The following SLC6A3 variants were observed in gnomAD, a reference collection of about 807,000 sequenced individuals.
The protein encoded by SLC6A3 is solute carrier family 6 member 3.
Under a neutral mutation model 70.4 loss-of-function variants are expected in SLC6A3, and 19 were observed. The ratio of observed to expected loss-of-function variants is 0.27; its 90% CI spans 0.19 to 0.40. The LOEUF (loss-of-function observed/expected upper bound fraction) is 0.40, where lower values mean the gene tolerates loss of function less well. SLC6A3 is among the 10% of genes least tolerant of loss of function. The pLI, the probability that SLC6A3 is intolerant of heterozygous loss-of-function variation, is 1.00. For synonymous variants in SLC6A3, 368 were observed against 356.6 expected, an observed-to-expected ratio of 1.03 and a Z score of -0.36; for missense variants, 613 against 838.5, an observed-to-expected ratio of 0.73 and a Z score of 3.32.
intron 4 of SLC6A3, among the ~76,000 whole-genome samples, chr5:1,431,182 G>A (rs902076067): frequency 4.6e-5 from 7 of 152,350 alleles, no homozygotes; most frequent in Admixed American, 2.6e-4. Context: ...GATGGCACCC[G>A]CCAGATCCAG....
rs1460846543 is a variant in SLC6A3 at position 1,394,008 on chromosome 5, A to T, written c.*727T>A. ...CCTCTCAGGCCGTTCCCTACACCGC[A>T]AGGACCCACAGGCTGCCTGAGTGGC... On this transcript the variant is annotated 3_prime_UTR_variant, in exon 15 of 15. Coordinates refer to ENST00000270349, the MANE Select transcript of SLC6A3 (RefSeq NM_001044.5). This position sits in a 1 kb window ranked among gnomAD's most constrained non-coding sequence, Gnocchi z 4.7. 6.4e-6 allele frequency: 1 copy of T among 155,822 alleles called. No individual in the cohort carries two copies. The highest frequency in any genetic ancestry group is 1.4e-5 in the Non-Finnish European group (1 of 69,016). The allele number at this position is 155,822 out of a possible 1,614,324, so 9.7% of individuals were successfully genotyped here. A position where few individuals can be genotyped will look rare whatever the true frequency, so the allele number is the denominator to read the frequency against.
rs1430231577 is a variant in SLC6A3 at position 1,438,250 on chromosome 5, C to T, written c.418+3109G>A. ...GAACAAGCTCTTCCAAAGATCCGCC[C>T]GCAGGGCCACGAGCCTTCCTTCCTG... On this transcript the variant is annotated intron_variant, in intron 3 of 14. Transcript: ENST00000270349. This position sits in a 1 kb window ranked among gnomAD's most constrained non-coding sequence, Gnocchi z 6.5. Among the ~76,000 whole-genome samples the T allele has an allele frequency of 2.0e-5, 3 of 152,246 alleles. No homozygotes were observed. Among genetic ancestry groups the T allele is most frequent in the South Asian group, 2.1e-4 (1 of 4,828 alleles).
At position 1,402,622 on chromosome 5, in the gene SLC6A3, T is replaced by TA. The variant is rs1212219515; in HGVS notation, c.1767+299dup. Among the ~76,000 whole-genome samples, 1 of 151,946 alleles carries TA rather than the reference T, an allele frequency of 6.6e-6. No individual in the cohort carries two copies. Among genetic ancestry groups the TA allele is most frequent in the Non-Finnish European group, 1.5e-5 (1 of 67,986 alleles). On this transcript the variant is annotated intron_variant, in intron 13 of 14. Coordinates refer to ENST00000270349, the MANE Select transcript of SLC6A3 (RefSeq NM_001044.5). The surrounding 1 kb of genome is among the most constrained non-coding windows in gnomAD (Gnocchi z 8.5). ...GAGACAGCACATACAGACACAGAGA[T>TA]ACAGTGGATGTACACACAGGCACAA...
chr5:1,433,847 C>T (rs1327916748), intron 3 of SLC6A3, among the ~76,000 whole-genome samples: 2 of 152,160 alleles, frequency 1.3e-5, no homozygotes, highest in Non-Finnish European at 2.9e-5. Context: ...CCATCCACAG[C>T]CATCCATAGT....
chr5:1,418,553 G>GTATATCCATCCTATTT (rs1238467441), intron 6 of SLC6A3, among the ~76,000 whole-genome samples: 37 of 151,934 alleles, frequency 2.4e-4, no homozygotes, highest in African/African-American at 8.7e-4. Context: ...CCATCCTATT[G>GTATATCCATCCTATTT]TATATCCATC....
intron 4 of SLC6A3, among the ~76,000 whole-genome samples, chr5:1,423,465 T>G (rs970959149): frequency 2.6e-5 from 4 of 152,226 alleles, no homozygotes; most frequent in Non-Finnish European, 5.9e-5. Context: ...CAGCCAGCAC[T>G]GTTTTCTGAG....
rs1756872638 is a variant in SLC6A3, at chr5:1,437,763, C to A, written c.418+3596G>T. On this transcript the variant is annotated intron_variant, in intron 3 of 14. Transcript: ENST00000270349. This position sits in a 1 kb window ranked among gnomAD's most constrained non-coding sequence, Gnocchi z 4.8. ...GGAAGGGCCAGGAACAACCAGGCTT[C>A]CTGGAGAGCTGGCTTCATTCCCCCA... is the stretch of plus-strand genomic sequence containing the variant. Among the ~76,000 whole-genome samples the A allele has an allele frequency of 6.6e-6, 1 of 152,228 alleles. No homozygotes were observed. Among genetic ancestry groups the A allele is most frequent in the Non-Finnish European group, 1.5e-5 (1 of 68,042 alleles).
In SLC6A3 at chr5:1,436,987, C is replaced by G. The variant is rs1756851182; in HGVS notation, c.419-4289G>C. 6.6e-6 allele frequency among the ~76,000 whole-genome samples: 1 copy of G among 152,192 alleles called. No homozygotes were observed. Among genetic ancestry groups the G allele is most frequent in the African/African-American group, 2.4e-5 (1 of 41,454 alleles). On this transcript the variant is annotated intron_variant, in intron 3 of 14. Transcript: ENST00000270349. The surrounding 1 kb of genome is among the most constrained non-coding windows in gnomAD (Gnocchi z 5.2). ...CGGGAGAGGGCCGGGCACGGTGGCT[C>G]ACTCCTGTAATCCCAGCACTTTGGG... is the stretch of plus-strand genomic sequence containing the variant.
chr5:1,411,182 C>T lies in SLC6A3; in HGVS notation c.1269+61G>A. The T allele has an allele frequency of 1.7e-6, 2 of 1,181,560 alleles. No individual in the cohort carries two copies. Among genetic ancestry groups the T allele is most frequent in the Non-Finnish European group, 1.2e-6 (1 of 812,724 alleles). 73.2% of individuals were successfully genotyped at this position (1,181,560 alleles called of 1,614,324 possible). On this transcript the variant is annotated intron_variant, in intron 9 of 14. Transcript: ENST00000270349. This position sits in a 1 kb window ranked among gnomAD's most constrained non-coding sequence, Gnocchi z 6.5. ...CTTGCCTAGCCCTGGGAGGGCAGGG[C>T]CCCCTCGGGTGGAAGGAACCCAACT... is the stretch of plus-strand genomic sequence containing the variant.
rs1755634146 is a variant in SLC6A3 at position 1,393,634 on chromosome 5, ATGC to A, written c.*1098_*1100del. On this transcript the variant is annotated 3_prime_UTR_variant, in exon 15 of 15. Coordinates refer to ENST00000270349, the MANE Select transcript of SLC6A3 (RefSeq NM_001044.5). ...GTACACGCTCCTGTGGGGGCCCTGC[ATGC>A]ATCCTGGGGTAGTACACGCTCCTGT... The A allele has an allele frequency of 1.4e-5, 2 of 143,510 alleles. No homozygotes were observed. Among genetic ancestry groups the A allele is most frequent in the Non-Finnish European group, 3.1e-5 (2 of 64,962 alleles). The allele number at this position is 143,510 out of a possible 1,614,324, so 8.9% of individuals were successfully genotyped here. A position where few individuals can be genotyped will look rare whatever the true frequency, so the allele number is the denominator to read the frequency against.
intron 14 of SLC6A3, among the ~76,000 whole-genome samples, chr5:1,398,614 G>A (rs1031579831): frequency 6.6e-6 from 1 of 152,172 alleles, no homozygotes; most frequent in African/African-American, 2.4e-5. Flanking sequence ...TGCTGGGTTT[G>A]CAAAAGACAC....
Position 1,411,183 on chromosome 5 carries a change from C to T in SLC6A3, c.1269+60G>A. On this transcript the variant is annotated intron_variant, in intron 9 of 14. Coordinates refer to ENST00000270349, the MANE Select transcript of SLC6A3 (RefSeq NM_001044.5). The surrounding 1 kb of genome is among the most constrained non-coding windows in gnomAD (Gnocchi z 6.5). ...TTGCCTAGCCCTGGGAGGGCAGGGC[C>T]CCCTCGGGTGGAAGGAACCCAACTG... is the stretch of plus-strand genomic sequence containing the variant. 2 of 1,196,646 alleles carry T rather than the reference C, an allele frequency of 1.7e-6. No individual in the cohort carries two copies. Among genetic ancestry groups the T allele is most frequent in the East Asian group, 2.5e-5 (1 of 39,376 alleles). 74.1% of individuals were successfully genotyped at this position (1,196,646 alleles called of 1,614,324 possible).
rs1756171341 is a variant in SLC6A3, at chr5:1,413,341, G to GCCCCGAC, written c.1156+1343_1156+1349dup. Among the ~76,000 whole-genome samples the GCCCCGAC allele has an allele frequency of 6.6e-6, 1 of 152,306 alleles. No homozygotes were observed. The highest frequency in any genetic ancestry group is 1.9e-4 in the East Asian group (1 of 5,184). ...GGCCCACCTCTGAGCTGTGGCTCCA[G>GCCCCGAC]CCCCGACCCTGGCTTTCTGTTGCAA... is the stretch of plus-strand genomic sequence containing the variant. On this transcript the variant is annotated intron_variant, in intron 8 of 14. Coordinates refer to ENST00000270349, the MANE Select transcript of SLC6A3 (RefSeq NM_001044.5). The surrounding 1 kb of genome is among the most constrained non-coding windows in gnomAD (Gnocchi z 7.1).
At chr5:1,423,714 C>G (rs189510561) in intron 4 of SLC6A3, among the ~76,000 whole-genome samples, 163 of 152,372 alleles carry the variant, frequency 1.1e-3, no homozygotes, top group African/African-American at 3.8e-3. Context: ...CCTGGTGACA[C>G]TCTCTGTGGG....
intron 4 of SLC6A3, among the ~76,000 whole-genome samples, chr5:1,429,854 T>C (rs460700): frequency 0.27 from 40,787 of 152,064 alleles, 5,900 homozygotes; most frequent in East Asian, 0.52. Context: ...GCCTGGGGTG[T>C]TCATAGGGTG....
intron 9 of SLC6A3, among the ~76,000 whole-genome samples, 191 bp from the exon 10 acceptor site, chr5:1,410,040 C>T (rs1756078925): frequency 6.6e-6 from 1 of 152,246 alleles, no homozygotes; most frequent in South Asian, 2.1e-4. Flanking sequence ...GGCGGCACGA[C>T]CGCAGGAGAG....
intron 9 of SLC6A3, among the ~76,000 whole-genome samples, chr5:1,410,146 C>A (rs1756082041): frequency 6.6e-6 from 1 of 152,226 alleles, no homozygotes; most frequent in Non-Finnish European, 1.5e-5. Context: ...AACAATGCCA[C>A]CCTGTCCACT....
intron 6 of SLC6A3, among the ~76,000 whole-genome samples, chr5:1,416,851 T>C (rs1258113117): frequency 6.6e-6 from 1 of 151,946 alleles, no homozygotes; most frequent in Non-Finnish European, 1.5e-5. Flanking sequence ...CACGGCCTCA[T>C]CCACACATGA....
intron 4 of SLC6A3, among the ~76,000 whole-genome samples, chr5:1,426,020 A>G (rs1756566059): frequency 6.6e-6 from 1 of 152,170 alleles, no homozygotes; most frequent in African/African-American, 2.4e-5. Context: ...GCAGAAAGTA[A>G]GTGTTGTCAA....
Sources: gnomAD v4.1 joint callset for allele counts (sites outside exome capture counted in the v4.1 genomes callset) on GRCh38, gnomAD v4.1.1 for gene constraint, Gnocchi (gnomAD v3.1) non-coding constraint, MANE v1.5 for transcripts, NCBI Gene and HGNC (gene_info 2026-07-23, HGNC 2026-07-21) for gene names.